Variants in DNAJC24 observed in about 807,000 individuals in gnomAD.
The protein encoded by DNAJC24 is DnaJ heat shock protein family (Hsp40) member C24, also known as dnaJ homolog subfamily C member 24.
DNAJC24 carries 17 observed loss-of-function variants against 18.0 expected under a neutral mutation model. The ratio of observed to expected loss-of-function variants is 0.94; its 90% CI spans 0.65 to 1.42. The LOEUF is 1.42. Among genes scored for constraint, DNAJC24 ranks in the 40% most tolerant of loss-of-function variants. The pLI, the probability that DNAJC24 is intolerant of heterozygous loss-of-function variation, is 0.00. For synonymous variants in DNAJC24, 55 were observed against 57.7 expected (o/e 0.95, Z 0.21); for missense variants, 158 against 175.6 (o/e 0.90, Z 0.57).
Position 31,426,230 on chromosome 11 carries a change from A to G in DNAJC24, c.251-57A>G, listed in dbSNP as rs1952859743. On this transcript the variant is annotated intron_variant, in intron 3 of 4. Transcript: ENST00000465995. Reference sequence around the variant, plus strand: ...GGCGTTGCCTTTTTAGCATTCTTCAAGGTTACAATTAAAGTATCATGTTTT... The same window carrying G: ...GGCGTTGCCTTTTTAGCATTCTTCAGGGTTACAATTAAAGTATCATGTTTT... 9 of 1,144,376 alleles carry G rather than the reference A, an allele frequency of 7.9e-6. No individual in the cohort carries two copies. In the South Asian group the frequency reaches 1.1e-4, roughly 14 times the overall value. The allele number at this position is 1,144,376 out of a possible 1,614,324, so 70.9% of individuals were successfully genotyped here.
chr11:31,426,529 A>G (rs1952863053), intron 4 of DNAJC24, 174 bp downstream of exon 4: 1 of 490,608 alleles, frequency 2.0e-6, no homozygotes, highest in African/African-American at 2.0e-5. Flanking sequence ...AACTTTATTT[A>G]TTGACTGATG....
rs1952934013 is a variant in DNAJC24, at chr11:31,432,261, C to A, written c.*1860C>A. The A allele has an allele frequency of 2.3e-6, 1 of 441,278 alleles. No homozygotes were observed. Among genetic ancestry groups the A allele is most frequent in the African/African-American group, 2.0e-5 (1 of 49,788 alleles). The allele number at this position is 441,278 out of a possible 1,614,324, so 27.3% of individuals were successfully genotyped here. A position where few individuals can be genotyped will look rare whatever the true frequency, so the allele number is the denominator to read the frequency against. The stretch of plus-strand genomic sequence containing the variant: ...AAAGTGAGGTAGTCATCCAGGTTCC[C>A]CCTCCCACAATATTTTTGTATCATA... On this transcript the variant is annotated 3_prime_UTR_variant, in exon 5 of 5. Transcript: ENST00000465995.
intron 2 of DNAJC24, among the ~76,000 whole-genome samples, chr11:31,401,587 A>G (rs915917360): frequency 1.3e-5 from 2 of 151,130 alleles, no homozygotes; most frequent in African/African-American, 4.9e-5. Flanking sequence ...TCTTGGAGCT[A>G]TCAGGAATCT....
chr11:31,385,559 T>C (rs1278849003), intron 2 of DNAJC24, among the ~76,000 whole-genome samples: 1 of 152,174 alleles, frequency 6.6e-6, no homozygotes, highest in Non-Finnish European at 1.5e-5. Flanking sequence ...CCCCTGGGAG[T>C]TAAGTAAGAA....
At chr11:31,420,207 G>A (rs1952790284) in intron 3 of DNAJC24, among the ~76,000 whole-genome samples, 1 of 152,004 alleles carries the variant, frequency 6.6e-6, no homozygotes, top group Non-Finnish European at 1.5e-5. Flanking sequence ...GAGGCTCCCA[G>A]ACACACGTCT....
At chr11:31,382,619 G>C (rs1383152846) in intron 2 of DNAJC24, among the ~76,000 whole-genome samples, 3 of 152,036 alleles carry the variant, frequency 2.0e-5, no homozygotes, top group Non-Finnish European at 4.4e-5. Flanking sequence ...ACATATTGTT[G>C]TATACAGTTG....
intron 2 of DNAJC24, among the ~76,000 whole-genome samples, chr11:31,375,780 A>C (rs963612727): frequency 7.4e-6 from 1 of 135,348 alleles, no homozygotes; most frequent in African/African-American, 2.5e-5. Context: ...TAGAAGACAA[A>C]GTTATCTGTT....
intron 4 of DNAJC24, chr11:31,427,677 T>C (rs1952875896): frequency 6.6e-6 from 1 of 152,202 alleles, no homozygotes; most frequent in African/African-American, 2.4e-5. Context: ...ATATGTATGT[T>C]TGTATGTGTT....
At chr11:31,395,793 ATTC>A (rs1365966891) in intron 2 of DNAJC24, among the ~76,000 whole-genome samples, 2 of 152,138 alleles carry the variant, frequency 1.3e-5, no homozygotes, top group Admixed American at 6.5e-5. Flanking sequence ...TTTGGCAAAT[ATTC>A]TTTTCATTTT....
intron 4 of DNAJC24, chr11:31,427,813 A>C (rs989447686): frequency 6.6e-6 from 1 of 151,666 alleles, no homozygotes; most frequent in Admixed American, 6.6e-5. Flanking sequence ...TAACAATATA[A>C]TGTTAAGATC....
At chr11:31,413,431 C>T (rs182537134) in intron 2 of DNAJC24, among the ~76,000 whole-genome samples, 4,947 of 149,960 alleles carry the variant, frequency 0.033, 91 homozygotes, top group Non-Finnish European at 0.046. Flanking sequence ...CCCGGGTTCA[C>T]GCCATTCTCC....
intron 2 of DNAJC24, among the ~76,000 whole-genome samples, chr11:31,396,682 A>G (rs960761945): frequency 2.6e-5 from 4 of 152,046 alleles, no homozygotes; most frequent in African/African-American, 9.7e-5. Flanking sequence ...CCATCCTACT[A>G]TCAGTTTAGA....
chr11:31,396,795 C>A (rs1394704992), intron 2 of DNAJC24, among the ~76,000 whole-genome samples: 1 of 152,126 alleles, frequency 6.6e-6, no homozygotes, highest in East Asian at 1.9e-4. Flanking sequence ...TACTAAAAAA[C>A]TCTCTATGAT....
intron 2 of DNAJC24, among the ~76,000 whole-genome samples, chr11:31,384,185 A>G (rs945830844): frequency 2.6e-5 from 4 of 152,228 alleles, no homozygotes; most frequent in Non-Finnish European, 4.4e-5. Flanking sequence ...CTTCCTATTC[A>G]GTGGAGGAAG....
chr11:31,426,449 G>T, intron 4 of DNAJC24, 94 bp downstream of exon 4: 1 of 696,944 alleles, frequency 1.4e-6, no homozygotes. Flanking sequence ...ATCTTAAAAA[G>T]AAATAATAGT....
At chr11:31,378,510 A>G (rs1030928548) in intron 2 of DNAJC24, among the ~76,000 whole-genome samples, 1 of 152,198 alleles carries the variant, frequency 6.6e-6, no homozygotes, top group East Asian at 1.9e-4. Flanking sequence ...GTGCAATATC[A>G]TTATTATTTC....
intron 2 of DNAJC24, among the ~76,000 whole-genome samples, chr11:31,390,574 C>T (rs1360777708): frequency 5.3e-5 from 8 of 151,080 alleles, no homozygotes; most frequent in East Asian, 2.0e-4. Context: ...GGCCTGGTGG[C>T]GCATGCCTGT....
intron 2 of DNAJC24, among the ~76,000 whole-genome samples, chr11:31,401,253 A>G (rs1952598630): frequency 6.6e-6 from 1 of 152,214 alleles, no homozygotes; most frequent in Non-Finnish European, 1.5e-5. Flanking sequence ...GTGGAGAAAT[A>G]GGAATGCTTT....
chr11:31,397,104 C>T (rs977926818), intron 2 of DNAJC24, among the ~76,000 whole-genome samples: 3 of 152,154 alleles, frequency 2.0e-5, no homozygotes, highest in African/African-American at 7.2e-5. Context: ...CTTATTCATG[C>T]ATCTATCCTT....
Sources: allele counts gnomAD v4.1 joint callset (sites outside exome capture counted in the v4.1 genomes callset), GRCh38; gene constraint gnomAD v4.1.1; transcripts MANE v1.5; gene names NCBI Gene and HGNC (gene_info 2026-07-23, HGNC 2026-07-21).